ODF2: variants seen among roughly 807,000 people sequenced by gnomAD.
ODF2 encodes outer dense fiber protein 2.
Under a neutral mutation model 110.2 loss-of-function variants are expected in ODF2, and 47 were observed. That is an observed-to-expected ratio of 0.43 (90% CI 0.34 to 0.54). The LOEUF (loss-of-function observed/expected upper bound fraction) is 0.54, where lower values mean the gene tolerates loss of function less well. ODF2 is among the 20% of genes least tolerant of loss of function. ODF2 has a pLI of 0.03. For missense variants in ODF2, 812 were observed against 1,054.5 expected (o/e 0.77, Z 3.19); for synonymous variants, 352 against 397.7 (o/e 0.89, Z 1.37).
intron 13 of ODF2, among the ~76,000 whole-genome samples, chr9:128,486,263 CAT>C (rs1380898731): frequency 3.9e-5 from 6 of 152,162 alleles, no homozygotes; most frequent in African/African-American, 1.2e-4. Context: ...ACTTAGCAAA[CAT>C]GTTCTGAGAA....
At chr9:128,492,829 C>G (rs976161016) in intron 16 of ODF2, 24 bp downstream of exon 16, 3 of 1,576,862 alleles carry the variant, frequency 1.9e-6, no homozygotes, top group Non-Finnish European at 2.6e-6. Flanking sequence ...TCCTTGTTTT[C>G]TTCTCCTACC....
rs370575811 is a variant in ODF2, at chr9:128,499,023, C to T, written c.2198C>T (p.Ala733Val). 1.3e-5 allele frequency: 21 copies of T among 1,614,048 alleles called. No homozygotes were observed. In the African/African-American group the frequency reaches 2.7e-4, roughly 21 times the overall value. Residue 733 changes from alanine (A) to valine (V), a missense_variant, in exon 20 of 21, where the codon GCA (alanine) becomes GTA (valine). Physicochemically the swap from Ala to Val is moderately conservative, Grantham distance 64. Coordinates refer to ENST00000604420, the Ensembl canonical transcript of ODF2. ...CAGGTGGAACAAACCAAGGAGCACG[C>T]ACTCTCCAAGGAGCGAGCAGCCCAG...
At chr9:128,473,063 C>T in intron 7 of ODF2, 21 bp downstream of exon 7, 1 of 1,613,112 alleles carries the variant, frequency 6.2e-7, no homozygotes, top group Non-Finnish European at 8.5e-7. Context: ...GGTGGCAGGA[C>T]CCCAGCCATG....
intron 13 of ODF2, among the ~76,000 whole-genome samples, chr9:128,486,981 T>C (rs567441806): frequency 7.9e-5 from 12 of 152,238 alleles, no homozygotes; most frequent in African/African-American, 1.7e-4. Context: ...GGAGGTGTCA[T>C]AGGGAGTTGG....
chr9:128,455,282 A>C, upstream of ODF2: 1 of 1,508,678 alleles, frequency 6.6e-7, no homozygotes, highest in Non-Finnish European at 8.9e-7. Context: ...CCGGGCGCGG[A>C]GGCTCAAGCC....
exon 20 of ODF2, chr9:128,499,045 C>T: frequency 6.2e-7 from 1 of 1,614,166 alleles, no homozygotes; most frequent in East Asian, 2.2e-5. Flanking sequence ...AGCGAGCAGC[C>T]CAGAACAAAA....
chr9:128,466,618 A>G (rs2131605703), intron 4 of ODF2, among the ~76,000 whole-genome samples: 1 of 150,788 alleles, frequency 6.6e-6, no homozygotes, highest in South Asian at 2.1e-4. Context: ...CCTCCCCATC[A>G]CAAGGAGTAA....
intron 9 of ODF2, among the ~76,000 whole-genome samples, chr9:128,482,487 G>A (rs980504088): frequency 1.3e-5 from 2 of 151,684 alleles, no homozygotes; most frequent in African/African-American, 2.4e-5. Context: ...TTTTTTTAAC[G>A]GTGCTGAGCA....
chr9:128,499,931 A>G (rs1355383158), intron 20 of ODF2, 136 bp from the exon 21 acceptor site: 1 of 768,096 alleles, frequency 1.3e-6, no homozygotes, highest in Admixed American at 2.8e-5. Context: ...TCAGAAAGAA[A>G]CCCCATACCC....
At chr9:128,461,090 T>A in intron 4 of ODF2, 23 bp downstream of exon 4, 1 of 1,611,260 alleles carries the variant, frequency 6.2e-7, no homozygotes, top group Non-Finnish European at 8.5e-7. Context: ...TTGCCCAGGC[T>A]TTTCTTCTCG....
chr9:128,485,242 T>A lies in ODF2; in HGVS notation c.1291-123T>A. On this transcript the variant is annotated intron_variant, in intron 12 of 20. Transcript: ENST00000604420. This position sits in a 1 kb window ranked among gnomAD's most constrained non-coding sequence, Gnocchi z 5.0. ...TTGCTTCCAGCGCCCTCTAGAAAGG[T>A]GAATTCCAGAATGAGGTTTAGGTTA... is the stretch of plus-strand genomic sequence containing the variant. The A allele has an allele frequency of 1.6e-6, 1 of 631,868 alleles. No homozygotes were observed. Among genetic ancestry groups the A allele is most frequent in the Non-Finnish European group, 2.8e-6 (1 of 352,432 alleles). The allele number at this position is 631,868 out of a possible 1,614,324, so 39.1% of individuals were successfully genotyped here. A position where few individuals can be genotyped will look rare whatever the true frequency, so the allele number is the denominator to read the frequency against.
chr9:128,485,003 G>A lies in ODF2; in HGVS notation c.1290+117G>A. On this transcript the variant is annotated intron_variant, in intron 12 of 20. Coordinates refer to ENST00000604420, the Ensembl canonical transcript of ODF2. The surrounding 1 kb of genome is among the most constrained non-coding windows in gnomAD (Gnocchi z 5.0). ...GGTGGGTGGATGAGGGATGGTAGTG[G>A]TGGAAAGGATAGATGGCTGGGGAGG... 2.7e-6 allele frequency: 3 copies of A among 1,113,912 alleles called. No homozygotes were observed. The highest frequency in any genetic ancestry group is 2.7e-5 in the South Asian group (2 of 73,798). 69.0% of individuals were successfully genotyped at this position (1,113,912 alleles called of 1,614,324 possible).
In ODF2 at chr9:128,474,538, G is replaced by A. The variant is rs117113110; in HGVS notation, c.843+797G>A. Among the ~76,000 whole-genome samples the A allele has an allele frequency of 9.5e-3, 1,446 of 152,100 alleles. 29 individuals carry two copies. The highest frequency in any genetic ancestry group is 0.072 in the East Asian group (373 of 5,160). ...CAGCCAGGTGTGGTGGCAGGCGCCA[G>A]TAATCTCAGCTCCTCAGGAGGCTGA... On this transcript the variant is annotated intron_variant, in intron 8 of 20. Transcript: ENST00000604420.
At position 128,481,566 on chromosome 9, in the gene ODF2, G is replaced by T. The variant is rs1382087374; in HGVS notation, c.844-14G>T. The T allele has an allele frequency of 6.2e-7, 1 of 1,607,398 alleles. No homozygotes were observed. Among genetic ancestry groups the T allele is most frequent in the Admixed American group, 1.7e-5 (1 of 59,014 alleles). The stretch of plus-strand genomic sequence containing the variant: ...GCTTAATGACTTGACTTTTTCCTTT[G>T]CCTTTCTTTGAAGGATTCTGAAAGA... On this transcript the variant is annotated splice_polypyrimidine_tract_variant and intron_variant, in intron 8 of 20. Transcript: ENST00000604420.
chr9:128,480,554 C>T (rs1180810532), intron 8 of ODF2, among the ~76,000 whole-genome samples: 1 of 152,238 alleles, frequency 6.6e-6, no homozygotes, highest in South Asian at 2.1e-4. Context: ...TGGTGGCTCA[C>T]GCCTGTAATC....
upstream of ODF2, chr9:128,455,938 A>C: frequency 7.1e-7 from 1 of 1,402,386 alleles, no homozygotes. Flanking sequence ...AGACCCGGCC[A>C]GGCCCGCTGG....
intron 20 of ODF2, among the ~76,000 whole-genome samples, chr9:128,499,743 A>G (rs1031689071): frequency 2.6e-5 from 4 of 152,128 alleles, no homozygotes; most frequent in Non-Finnish European, 4.4e-5. Context: ...CTGAGCAGCT[A>G]GGACTACAGG....
At chr9:128,495,623 G>A (rs1845440257) in intron 17 of ODF2, among the ~76,000 whole-genome samples, 1 of 152,170 alleles carries the variant, frequency 6.6e-6, no homozygotes, top group South Asian at 2.1e-4. Flanking sequence ...CTGTTGTCTT[G>A]CCTGCACTTG....
intron 1 of ODF2, chr9:128,457,042 C>T (rs1449573506): frequency 7.8e-7 from 1 of 1,287,858 alleles, no homozygotes; most frequent in East Asian, 4.1e-5. Flanking sequence ...CGCACGTCCG[C>T]CGGCGCCTCA....
Sources: gnomAD v4.1 joint callset for allele counts (sites outside exome capture counted in the v4.1 genomes callset) on GRCh38, gnomAD v4.1.1 for gene constraint, Gnocchi (gnomAD v3.1) non-coding constraint, MANE v1.5 for transcripts, NCBI Gene and HGNC (gene_info 2026-07-23, HGNC 2026-07-21) for gene names.